The following CHMP1A variants were observed in gnomAD, a reference collection of about 807,000 sequenced individuals.
CHMP1A encodes the protein VPS46 homolog A.
A neutral mutation model predicts 27.0 loss-of-function variants in CHMP1A; 17 were observed. That is an observed-to-expected ratio of 0.63 (90% CI 0.43 to 0.95). The LOEUF (loss-of-function observed/expected upper bound fraction) is 0.95, where lower values mean the gene tolerates loss of function less well. Among genes scored for constraint, CHMP1A ranks in the 40% least tolerant of loss-of-function variants. CHMP1A has a pLI of 0.00. For synonymous variants in CHMP1A, 131 were observed against 107.5 expected, an observed-to-expected ratio of 1.22 and a Z score of -1.35; for missense variants, 275 against 264.0, an observed-to-expected ratio of 1.04 and a Z score of -0.29.
At chr16:89,649,830 C>T (rs2059810529) in intron 3 of CHMP1A, among the ~76,000 whole-genome samples, 1 of 152,236 alleles carries the variant, frequency 6.6e-6, no homozygotes, top group African/African-American at 2.4e-5. Flanking sequence ...CCCGCCTCGG[C>T]CTCCCAAAGA....
intron 1 of CHMP1A, among the ~76,000 whole-genome samples, chr16:89,655,884 C>T (rs1038976933): frequency 2.0e-4 from 31 of 152,218 alleles, no homozygotes; most frequent in Non-Finnish European, 2.6e-4. Context: ...CCTCGGCCTC[C>T]CAAAGTGTTG....
intron 3 of CHMP1A, 149 bp from the exon 4 acceptor site, chr16:89,649,646 A>G (rs1374314969): frequency 5.6e-6 from 5 of 889,208 alleles, no homozygotes; most frequent in African/African-American, 3.4e-5. Flanking sequence ...CACGATCTCG[A>G]CTCAACGCAA....
rs200710259 is a variant in CHMP1A, at chr16:89,651,641, C to T, written c.33G>A (p.Thr11=). 1.5e-4 allele frequency: 245 copies of T among 1,613,564 alleles called. 1 individual carries two copies. The African/African-American group carries it at 2.7e-3, about 17-fold the overall frequency. ...TGGCCAGCTTCTCCAGCTGCTTCGC[C>T]GTGAACTGAGCGGAAGCCGGAATGT... MDDTLFQLKF[T]AKQLEKLAKK... The change falls in exon 3 of 7, where the codon ACG becomes ACA. Residue 11 remains threonine, a synonymous_variant. Coordinates refer to ENST00000397901, the MANE Select transcript of CHMP1A (RefSeq NM_002768.5).
At position 89,646,001 on chromosome 16, in the gene CHMP1A, G is replaced by A; in HGVS notation, c.*65C>T. 3.1e-6 allele frequency: 5 copies of A among 1,611,918 alleles called. No individual in the cohort carries two copies. Among genetic ancestry groups the A allele is most frequent in the South Asian group, 1.1e-5 (1 of 90,874 alleles). On this transcript the variant is annotated 3_prime_UTR_variant, in exon 7 of 7. Transcript: ENST00000397901. Reference sequence around the variant, plus strand: ...GGTCAGCACAAAGGCAAGACGCGGTGGGGAGAGGACAGGAGCCTTCCAGCA... The same window carrying A: ...GGTCAGCACAAAGGCAAGACGCGGTAGGGAGAGGACAGGAGCCTTCCAGCA...
rs775571039 is a variant in CHMP1A, at chr16:89,647,106, G to A, written c.381+97C>T. The stretch of plus-strand genomic sequence containing the variant: ...GTCAGGGAGCAACCACAGGTATGCA[G>A]AGACAGCACGTCAGCCTGTGAGCCA... On this transcript the variant is annotated intron_variant, in intron 5 of 6. Coordinates refer to ENST00000397901, the MANE Select transcript of CHMP1A (RefSeq NM_002768.5). 3.7e-4 allele frequency: 565 copies of A among 1,544,136 alleles called. 1 individual carries two copies. Among genetic ancestry groups the A allele is most frequent in the Non-Finnish European group, 4.8e-4 (547 of 1,148,740 alleles).
At position 89,646,028 on chromosome 16, in the gene CHMP1A, A is replaced by G; in HGVS notation, c.*38T>C. 1 of 1,602,186 alleles carries G rather than the reference A, an allele frequency of 6.2e-7. No individual in the cohort carries two copies. Among genetic ancestry groups the G allele is most frequent in the East Asian group, 2.2e-5 (1 of 44,634 alleles). On this transcript the variant is annotated 3_prime_UTR_variant, in exon 7 of 7. Transcript: ENST00000397901. ...GGAGAGGACAGGAGCCTTCCAGCAC[A>G]TCACGGGGCAGAGGCGGTGCACACC...
intron 5 of CHMP1A, 39 bp from the exon 6 acceptor site, chr16:89,646,753 A>C (rs1429047772): frequency 8.2e-6 from 13 of 1,589,848 alleles, no homozygotes; most frequent in African/African-American, 2.7e-5. Flanking sequence ...AGGTGGGGCC[A>C]GGCCCATGGG....
chr16:89,649,798 G>A (rs370388437), intron 3 of CHMP1A, among the ~76,000 whole-genome samples: 11 of 152,132 alleles, frequency 7.2e-5, no homozygotes, highest in Middle Eastern at 3.2e-3. Context: ...GGATGGCCTC[G>A]ATCTCCTGAC....
At chr16:89,653,119 G>A (rs910590879) in intron 2 of CHMP1A, among the ~76,000 whole-genome samples, 4 of 141,478 alleles carry the variant, frequency 2.8e-5, no homozygotes, top group African/African-American at 7.9e-5. Flanking sequence ...CCAGGTTCAC[G>A]CCATTCTCCG....
chr16:89,646,896 A>ATC, intron 5 of CHMP1A, 182 bp from the exon 6 acceptor site: 1 of 189,490 alleles, frequency 5.3e-6, no homozygotes. Flanking sequence ...CCCCCCACCC[A>ATC]GCCCCACCCT....
chr16:89,653,505 C>A (rs1597791242), intron 2 of CHMP1A, among the ~76,000 whole-genome samples: 2 of 150,712 alleles, frequency 1.3e-5, no homozygotes, highest in Middle Eastern at 6.9e-3. Flanking sequence ...CGCCTGTAGT[C>A]CCAGCTACTC....
chr16:89,656,198 G>A (rs1238267072), intron 1 of CHMP1A, among the ~76,000 whole-genome samples: 5 of 152,232 alleles, frequency 3.3e-5, no homozygotes, highest in South Asian at 2.1e-4. Flanking sequence ...GTGAAGTGGC[G>A]CGATCTCGGC....
intron 3 of CHMP1A, among the ~76,000 whole-genome samples, chr16:89,651,360 G>A (rs1471842629): frequency 6.7e-6 from 1 of 148,238 alleles, no homozygotes; most frequent in Non-Finnish European, 1.5e-5. Context: ...GACAGAGCAA[G>A]ACTCCGTCTC....
chr16:89,649,522 TG>T (rs754660604), intron 3 of CHMP1A, 25 bp from the exon 4 acceptor site: 59 of 1,612,866 alleles, frequency 3.7e-5, no homozygotes, highest in Non-Finnish European at 5.0e-5. Context: ...GGAAAGCAGC[TG>T]GAAGAGCTTG....
chr16:89,646,896 AG>A, intron 5 of CHMP1A, 182 bp from the exon 6 acceptor site: 4 of 189,478 alleles, frequency 2.1e-5, no homozygotes, highest in East Asian at 1.1e-4. Flanking sequence ...CCCCCCACCC[AG>A]CCCCACCCTC....
intron 6 of CHMP1A, 116 bp downstream of exon 6, chr16:89,646,411 C>T (rs1214417730): frequency 2.5e-6 from 3 of 1,195,750 alleles, no homozygotes; most frequent in Non-Finnish European, 1.2e-6. Context: ...ATCAGGGCTC[C>T]CTGGTCGGAG....
chr16:89,656,641 C>T (rs1253175480), intron 1 of CHMP1A, among the ~76,000 whole-genome samples: 1 of 152,236 alleles, frequency 6.6e-6, no homozygotes, highest in East Asian at 1.9e-4. Context: ...ACCTCTGCTT[C>T]CCCACATGGA....
Position 89,649,400 on chromosome 16 carries a change from C to G in CHMP1A, c.203G>C (p.Arg68Pro). ...EGVNWLRMAS[R>P]VDAVASKVQT... ...CACCTTGGAGGCCACTGCGTCTACG[C>G]GGGACGCCATCCGAAGCCAGTTCAC... Residue 68 changes from arginine (R) to proline (P), a missense_variant, in exon 4 of 7, where the codon CGC becomes CCC. Physicochemically the swap from Arg to Pro is moderately radical, Grantham distance 103 (BLOSUM62 -2). Transcript: ENST00000397901. 6.2e-7 allele frequency: 1 copy of G among 1,613,712 alleles called. No individual in the cohort carries two copies. The highest frequency in any genetic ancestry group is 8.5e-7 in the Non-Finnish European group (1 of 1,179,872).
At chr16:89,647,149 C>A (rs751175446) in intron 5 of CHMP1A, 54 bp downstream of exon 5, 3 of 1,591,806 alleles carry the variant, frequency 1.9e-6, no homozygotes, top group Non-Finnish European at 2.6e-6. Context: ...CGATGAGCTG[C>A]CCACACACGC....
Sources: gnomAD v4.1 joint callset for allele counts (sites outside exome capture counted in the v4.1 genomes callset) on GRCh38, gnomAD v4.1.1 for gene constraint, MANE v1.5 for transcripts, NCBI Gene and HGNC (gene_info 2026-07-23, HGNC 2026-07-21) for gene names.